CDK14: variants seen among roughly 807,000 people sequenced by gnomAD.
The protein encoded by CDK14 is cyclin dependent kinase 14, also known as cyclin-dependent kinase 14.
A neutral mutation model predicts 60.7 loss-of-function variants in CDK14; 34 were observed. The ratio of observed to expected loss-of-function variants is 0.56; its 90% CI spans 0.43 to 0.75. The LOEUF is 0.75. Ranked by LOEUF, CDK14 falls within the 30% of genes least tolerant of loss-of-function variation. The pLI is 0.00. For missense variants in CDK14, 482 were observed against 564.1 expected (o/e 0.85, Z 1.47); for synonymous variants, 197 against 203.7 (o/e 0.97, Z 0.28).
At chr7:91,189,738 G>C (rs949812330) in intron 14 of CDK14, among the ~76,000 whole-genome samples, 1 of 152,128 alleles carries the variant, frequency 6.6e-6, no homozygotes, top group Non-Finnish European at 1.5e-5. Flanking sequence ...GAATTTTCTT[G>C]TATGGCTTGT....
intron 2 of CDK14, among the ~76,000 whole-genome samples, chr7:90,645,067 T>C (rs1800431411): frequency 6.6e-6 from 1 of 152,174 alleles, no homozygotes; most frequent in Non-Finnish European, 1.5e-5. Context: ...GACATTTCTG[T>C]AGGGCAGAAA....
intron 10 of CDK14, among the ~76,000 whole-genome samples, chr7:90,989,190 TCTTTAGA>T (rs1428566899): frequency 6.6e-6 from 1 of 152,040 alleles, no homozygotes; most frequent in Non-Finnish European, 1.5e-5. Context: ...GATTCCAGGG[TCTTTAGA>T]ACTGGAACCA....
At position 90,759,492 on chromosome 7, in the gene CDK14, T is replaced by C. The variant is rs912027022; in HGVS notation, c.464+11717T>C. 6.6e-5 allele frequency among the ~76,000 whole-genome samples: 10 copies of C among 152,216 alleles called. No homozygotes were observed. The East Asian group carries it at 1.9e-3, about 29-fold the overall frequency. On this transcript the variant is annotated intron_variant, in intron 4 of 14. Transcript: ENST00000380050. ...TCTGGGAGGATTGGTGGTTTGCTTATGCAAGGGCACCCATGAATACCTGGT... is the reference window on the plus strand; with the variant it reads ...TCTGGGAGGATTGGTGGTTTGCTTACGCAAGGGCACCCATGAATACCTGGT...
At chr7:91,087,004 C>T (rs1035343460) in intron 12 of CDK14, among the ~76,000 whole-genome samples, 19 of 152,156 alleles carry the variant, frequency 1.2e-4, no homozygotes, top group African/African-American at 4.6e-4. Context: ...TCACTACAGC[C>T]TTGACCTCCA....
At chr7:90,774,958 T>C (rs1193497804) in intron 4 of CDK14, among the ~76,000 whole-genome samples, 1 of 152,236 alleles carries the variant, frequency 6.6e-6, no homozygotes, top group African/African-American at 2.4e-5. Context: ...TGAGTAGTAC[T>C]TGGGGACTCC....
chr7:90,735,781 C>T (rs1410670609), intron 3 of CDK14, among the ~76,000 whole-genome samples: 1 of 152,204 alleles, frequency 6.6e-6, no homozygotes, highest in Non-Finnish European at 1.5e-5. Flanking sequence ...TGGGACCTGC[C>T]GAGCCAGACC....
chr7:91,110,682 C>A (rs1451277569), intron 12 of CDK14, among the ~76,000 whole-genome samples: 1 of 152,174 alleles, frequency 6.6e-6, no homozygotes, highest in African/African-American at 2.4e-5. Context: ...AATAATATTC[C>A]TTTTTTTCTT....
intron 2 of CDK14, among the ~76,000 whole-genome samples, chr7:90,697,465 G>A (rs1329818086): frequency 6.6e-6 from 1 of 152,034 alleles, no homozygotes; most frequent in Non-Finnish European, 1.5e-5. Flanking sequence ...CAAAGTGTTG[G>A]GATTACAGGT....
At position 90,999,795 on chromosome 7, in the gene CDK14, C is replaced by T. The variant is rs558498819; in HGVS notation, c.1041+15554C>T. Among the ~76,000 whole-genome samples the T allele has an allele frequency of 3.9e-5, 6 of 152,298 alleles. No homozygotes were observed. In the East Asian group the frequency reaches 1.2e-3, roughly 29 times the overall value. ...GTATTATCATTCACACAAAACTCAGCAACTTTTAATAGAAAATAATCAACC... is the reference window on the plus strand; with the variant it reads ...GTATTATCATTCACACAAAACTCAGTAACTTTTAATAGAAAATAATCAACC... On this transcript the variant is annotated intron_variant, in intron 10 of 14. Transcript: ENST00000380050.
At chr7:90,805,577 A>G (rs1443955584) in intron 5 of CDK14, among the ~76,000 whole-genome samples, 1 of 152,130 alleles carries the variant, frequency 6.6e-6, no homozygotes, top group East Asian at 1.9e-4. Context: ...CTAACAAAAC[A>G]TATTTAGAAT....
chr7:90,626,699 A>G (rs1158155357), intron 2 of CDK14, among the ~76,000 whole-genome samples: 1 of 152,176 alleles, frequency 6.6e-6, no homozygotes, highest in East Asian at 1.9e-4. Flanking sequence ...TAGGTCTTTC[A>G]GAGGCTAAGG....
chr7:90,986,304 TGTTA>T (rs1281093116), intron 10 of CDK14, among the ~76,000 whole-genome samples: 1 of 152,070 alleles, frequency 6.6e-6, no homozygotes, highest in Admixed American at 6.6e-5. Flanking sequence ...ACAATCATCC[TGTTA>T]GTTAAGAATA....
intron 11 of CDK14, among the ~76,000 whole-genome samples, chr7:91,077,101 A>G (rs1298584474): frequency 6.6e-6 from 1 of 152,220 alleles, no homozygotes; most frequent in South Asian, 2.1e-4. Context: ...TTCCTCAAGG[A>G]TCTAGAACCA....
chr7:91,059,286 C>T (rs1386715656), intron 11 of CDK14, among the ~76,000 whole-genome samples: 5 of 151,678 alleles, frequency 3.3e-5, no homozygotes, highest in African/African-American at 1.2e-4. Flanking sequence ...CTATTTGATT[C>T]TTCTCTCTTT....
intron 2 of CDK14, among the ~76,000 whole-genome samples, chr7:90,674,030 A>G (rs187870610): frequency 6.6e-6 from 1 of 152,252 alleles, no homozygotes; most frequent in African/African-American, 2.4e-5. Flanking sequence ...TGGAAACACT[A>G]TTTGACGTTT....
At chr7:91,016,708 A>C (rs1039330904) in intron 10 of CDK14, among the ~76,000 whole-genome samples, 1 of 152,196 alleles carries the variant, frequency 6.6e-6, no homozygotes, top group Non-Finnish European at 1.5e-5. Context: ...CACTGCTACT[A>C]TGTATGCTAG....
chr7:90,841,393 G>A (rs908418469), intron 5 of CDK14, among the ~76,000 whole-genome samples: 5 of 151,498 alleles, frequency 3.3e-5, no homozygotes, highest in Non-Finnish European at 5.9e-5. Flanking sequence ...GGGAGAGGAG[G>A]GACTATATGG....
chr7:90,931,037 A>T (rs1793577291), intron 8 of CDK14, among the ~76,000 whole-genome samples: 2 of 152,182 alleles, frequency 1.3e-5, no homozygotes, highest in Non-Finnish European at 2.9e-5. Flanking sequence ...GATTTTTATT[A>T]TGATCAGTGA....
chr7:90,623,923 A>G (rs1799823942), intron 2 of CDK14, among the ~76,000 whole-genome samples: 1 of 152,236 alleles, frequency 6.6e-6, no homozygotes. Flanking sequence ...CCTCTTTGTC[A>G]TCATCAGAAG....
Sources: allele counts gnomAD v4.1 joint callset (sites outside exome capture counted in the v4.1 genomes callset), GRCh38; gene constraint gnomAD v4.1.1; transcripts MANE v1.5; gene names NCBI Gene and HGNC (gene_info 2026-07-23, HGNC 2026-07-21).